The following SLC16A12 variants were observed in gnomAD, a reference collection of about 807,000 sequenced individuals.
SLC16A12 encodes solute carrier family 16 member 12, also known as monocarboxylate transporter 12.
A neutral mutation model predicts 42.4 loss-of-function variants in SLC16A12; 17 were observed. The ratio of observed to expected loss-of-function variants is 0.40; its 90% CI spans 0.27 to 0.60. The LOEUF is 0.60. Among genes scored for constraint, SLC16A12 ranks in the 20% least tolerant of loss-of-function variants. The pLI, the probability that SLC16A12 is intolerant of heterozygous loss-of-function variation, is 0.42. For synonymous variants in SLC16A12, 224 were observed against 229.4 expected, an observed-to-expected ratio of 0.98 and a Z score of 0.21; for missense variants, 544 against 623.0, an observed-to-expected ratio of 0.87 and a Z score of 1.35.
chr10:89,504,457 A>G (rs1020550785), intron 2 of SLC16A12, among the ~76,000 whole-genome samples: 4 of 152,280 alleles, frequency 2.6e-5, no homozygotes, highest in African/African-American at 9.6e-5. Flanking sequence ...AAAAATATAT[A>G]TATTATTGTA....
intron 3 of SLC16A12, among the ~76,000 whole-genome samples, chr10:89,450,394 A>G (rs1395618748): frequency 6.6e-6 from 1 of 152,246 alleles, no homozygotes; most frequent in Non-Finnish European, 1.5e-5. Context: ...GATTAAGAAA[A>G]TGTGGCACAT....
At position 89,510,756 on chromosome 10, in the gene SLC16A12, C is replaced by G. The variant is rs147875262; in HGVS notation, c.-47+23745G>C. Among the ~76,000 whole-genome samples the G allele has an allele frequency of 2.6e-3, 390 of 152,306 alleles. 1 individual carries two copies. The highest frequency in any genetic ancestry group is 9.1e-3 in the South Asian group (44 of 4,830). The stretch of plus-strand genomic sequence containing the variant: ...GAGATCTAATTAAACTAAAGAGCTT[C>G]TGCACAGCAAAAGAAACTATCAGCA... On this transcript the variant is annotated intron_variant, in intron 2 of 7. Transcript: ENST00000371790.
chr10:89,487,964 GTATATATATATA>G (rs147234370), intron 2 of SLC16A12, among the ~76,000 whole-genome samples: 15 of 126,698 alleles, frequency 1.2e-4, no homozygotes, highest in East Asian at 5.2e-4. Context: ...TGGTGTGTGT[GTATATATATATA>G]TATATATATA....
chr10:89,507,370 G>T (rs1236317001), intron 2 of SLC16A12, among the ~76,000 whole-genome samples: 3 of 152,202 alleles, frequency 2.0e-5, no homozygotes, highest in Non-Finnish European at 4.4e-5. Context: ...ACTAACAGCA[G>T]ATCTCTCAGC....
At chr10:89,490,736 C>T (rs992623789) in intron 2 of SLC16A12, among the ~76,000 whole-genome samples, 5 of 152,154 alleles carry the variant, frequency 3.3e-5, no homozygotes, top group Admixed American at 3.3e-4. Context: ...ATTAAGTTAG[C>T]ATGATTGGTT....
intron 2 of SLC16A12, among the ~76,000 whole-genome samples, chr10:89,555,586 T>A (rs956346982): frequency 1.4e-5 from 2 of 143,870 alleles, no homozygotes; most frequent in Non-Finnish European, 3.0e-5. Flanking sequence ...TATGTATATA[T>A]GTATATATAC....
chr10:89,496,574 A>T (rs1842924960), intron 2 of SLC16A12, among the ~76,000 whole-genome samples: 1 of 152,176 alleles, frequency 6.6e-6, no homozygotes, highest in South Asian at 2.1e-4. Context: ...CGTCCAATGA[A>T]ATTACTGAAA....
intron 2 of SLC16A12, among the ~76,000 whole-genome samples, chr10:89,473,127 CTT>C (rs35439283): frequency 1.0e-3 from 148 of 141,936 alleles, no homozygotes; most frequent in East Asian, 1.9e-3. Context: ...CCTCAGCAGT[CTT>C]TTTTTTTTTT....
chr10:89,505,861 G>A (rs1295228455), intron 2 of SLC16A12, among the ~76,000 whole-genome samples: 1 of 152,226 alleles, frequency 6.6e-6, no homozygotes, highest in Non-Finnish European at 1.5e-5. Context: ...TAGCGCAGCA[G>A]TCTGAGATCG....
chr10:89,443,196 A>C (rs1407115356), intron 4 of SLC16A12, among the ~76,000 whole-genome samples: 4 of 152,216 alleles, frequency 2.6e-5, no homozygotes, highest in Non-Finnish European at 4.4e-5. Context: ...ACATAATCCT[A>C]TCCTTCCCCA....
chr10:89,487,094 G>T (rs1289044819), intron 2 of SLC16A12, among the ~76,000 whole-genome samples: 1 of 152,226 alleles, frequency 6.6e-6, no homozygotes, highest in Non-Finnish European at 1.5e-5. Context: ...TGACAAGAAA[G>T]CTGTGGGCTC....
chr10:89,447,078 A>C (rs1270450499), intron 3 of SLC16A12, among the ~76,000 whole-genome samples: 2 of 152,194 alleles, frequency 1.3e-5, no homozygotes, highest in Admixed American at 1.3e-4. Context: ...ATATATACGC[A>C]CCCAATACAG....
chr10:89,486,766 G>A (rs1360952744), intron 2 of SLC16A12, among the ~76,000 whole-genome samples: 5 of 151,700 alleles, frequency 3.3e-5, no homozygotes, highest in Non-Finnish European at 5.9e-5. Context: ...ATAAAGACTA[G>A]GAAATGAATA....
At chr10:89,515,103 GCA>G (rs1843226145) in intron 2 of SLC16A12, among the ~76,000 whole-genome samples, 1 of 140,086 alleles carries the variant, frequency 7.1e-6, no homozygotes, top group Non-Finnish European at 1.5e-5. Flanking sequence ...AAAAAAAGAA[GCA>G]AAACAAAACA....
At chr10:89,543,636 C>T (rs897444899) in intron 2 of SLC16A12, among the ~76,000 whole-genome samples, 1 of 152,000 alleles carries the variant, frequency 6.6e-6, no homozygotes, top group Non-Finnish European at 1.5e-5. Flanking sequence ...TGAGATCAGC[C>T]TAGGCAATAT....
chr10:89,511,913 A>ATATT (rs757401124), intron 2 of SLC16A12, among the ~76,000 whole-genome samples: 3 of 152,168 alleles, frequency 2.0e-5, no homozygotes, highest in Non-Finnish European at 4.4e-5. Context: ...AGCAACCCAA[A>ATATT]TGTTCATTAA....
intron 2 of SLC16A12, among the ~76,000 whole-genome samples, chr10:89,521,395 C>T (rs1272404196): frequency 1.3e-5 from 2 of 152,206 alleles, no homozygotes; most frequent in African/African-American, 4.8e-5. Flanking sequence ...ATATGTGGGG[C>T]TTTCTAAGCT....
At chr10:89,551,090 G>T (rs572279638) in intron 2 of SLC16A12, among the ~76,000 whole-genome samples, 50 of 152,258 alleles carry the variant, frequency 3.3e-4, no homozygotes, top group African/African-American at 1.1e-3. Flanking sequence ...TGGAGTGAGG[G>T]TGTGTATTCT....
At position 89,497,375 on chromosome 10, in the gene SLC16A12, G is replaced by A. The variant is rs540882272; in HGVS notation, c.-46-34751C>T. Among the ~76,000 whole-genome samples, 168 of 152,232 alleles carry A rather than the reference G, an allele frequency of 1.1e-3. 2 individuals carry two copies. The highest frequency in any genetic ancestry group is 3.8e-3 in the African/African-American group (160 of 41,560). On this transcript the variant is annotated intron_variant, in intron 2 of 7. Coordinates refer to ENST00000371790, the MANE Select transcript of SLC16A12 (RefSeq NM_213606.4). ...GAAACAAAGAAATTCAGAGGTTAAC[G>A]TATACTATTTATACAAACAAAAATG...
Sources: gnomAD v4.1 joint callset for allele counts (sites outside exome capture counted in the v4.1 genomes callset) on GRCh38, gnomAD v4.1.1 for gene constraint, MANE v1.5 for transcripts, NCBI Gene and HGNC (gene_info 2026-07-23, HGNC 2026-07-21) for gene names.